Variants in TNFRSF19 observed in about 807,000 individuals in gnomAD.
The protein encoded by TNFRSF19 is TNF receptor superfamily member 19.
TNFRSF19 carries 27 observed loss-of-function variants against 46.4 expected under a neutral mutation model. The ratio of observed to expected loss-of-function variants is 0.58; its 90% CI spans 0.43 to 0.80. TNFRSF19 has a LOEUF of 0.80. Ranked by LOEUF, TNFRSF19 falls within the 30% of genes least tolerant of loss-of-function variation. The pLI, the probability that TNFRSF19 is intolerant of heterozygous loss-of-function variation, is 0.00. For synonymous variants in TNFRSF19, 204 were observed against 205.0 expected (o/e 1.00, Z 0.04); for missense variants, 511 against 530.8 (o/e 0.96, Z 0.37).
chr13:23,601,395 C>T (rs1016426940), intron 3 of TNFRSF19, among the ~76,000 whole-genome samples: 1 of 152,060 alleles, frequency 6.6e-6, no homozygotes, highest in Non-Finnish European at 1.5e-5. Context: ...AGAAATTTTC[C>T]TTCAAGAGTT....
chr13:23,579,243 TG>T (rs199844196), intron 1 of TNFRSF19: 1,559 of 149,762 alleles, frequency 0.01, 39 homozygotes, highest in East Asian at 0.097. Flanking sequence ...CAGTGTGCGC[TG>T]GGGGCGGGGC....
chr13:23,634,713 G>A (rs1566200557), intron 5 of TNFRSF19, among the ~76,000 whole-genome samples: 1 of 152,170 alleles, frequency 6.6e-6, no homozygotes, highest in Non-Finnish European at 1.5e-5. Context: ...TATACTCAAA[G>A]TTCAGGCTCT....
At chr13:23,656,176 G>A (rs1883974256) in intron 5 of TNFRSF19, among the ~76,000 whole-genome samples, 1 of 152,258 alleles carries the variant, frequency 6.6e-6, no homozygotes, top group African/African-American at 2.4e-5. Context: ...TCACTGCCTG[G>A]GGAAATGTGT....
At chr13:23,592,996 TA>T (rs397704342) in intron 2 of TNFRSF19, among the ~76,000 whole-genome samples, 1 of 149,586 alleles carries the variant, frequency 6.7e-6, no homozygotes, top group Admixed American at 6.7e-5. Context: ...GTTTTTTTTT[TA>T]AATATCTTCT....
At chr13:23,673,120 G>C (rs149358379) in intron 9 of TNFRSF19, among the ~76,000 whole-genome samples, 2 of 152,210 alleles carry the variant, frequency 1.3e-5, no homozygotes, top group African/African-American at 4.8e-5. Flanking sequence ...TATGGGTTAC[G>C]GTATCATCTT....
At chr13:23,628,074 C>T (rs1882122962) in intron 5 of TNFRSF19, among the ~76,000 whole-genome samples, 1 of 152,076 alleles carries the variant, frequency 6.6e-6, no homozygotes, top group Non-Finnish European at 1.5e-5. Flanking sequence ...TTTTGTTTTA[C>T]TTTTCTCAAT....
chr13:23,636,768 C>T (rs1339172867), intron 5 of TNFRSF19, among the ~76,000 whole-genome samples: 6 of 152,064 alleles, frequency 3.9e-5, no homozygotes, highest in Non-Finnish European at 8.8e-5. Flanking sequence ...TAACTTCCCT[C>T]GGACTCCTGT....
intron 3 of TNFRSF19, among the ~76,000 whole-genome samples, chr13:23,605,265 G>A (rs1207038599): frequency 2.0e-5 from 3 of 152,080 alleles, no homozygotes; most frequent in Non-Finnish European, 2.9e-5. Flanking sequence ...CGATATCACC[G>A]TACACCTATT....
At chr13:23,574,102 G>T (rs558090947) in intron 1 of TNFRSF19, among the ~76,000 whole-genome samples, 1 of 149,598 alleles carries the variant, frequency 6.7e-6, no homozygotes, top group South Asian at 2.1e-4. Context: ...TATATCTTGT[G>T]TGAAAAATTT....
intron 7 of TNFRSF19, among the ~76,000 whole-genome samples, chr13:23,660,713 A>C (rs184825662): frequency 1.2e-4 from 18 of 152,148 alleles, no homozygotes; most frequent in Middle Eastern, 3.4e-3. Flanking sequence ...AAATTCTAGA[A>C]TTTTTCAGCA....
intron 4 of TNFRSF19, among the ~76,000 whole-genome samples, chr13:23,617,343 G>A (rs1324194583): frequency 1.3e-5 from 2 of 152,114 alleles, no homozygotes. Context: ...AAAGGAGAGG[G>A]ACCACACCTG....
chr13:23,649,561 C>G (rs1013785523), intron 5 of TNFRSF19, among the ~76,000 whole-genome samples: 3 of 151,880 alleles, frequency 2.0e-5, no homozygotes, highest in African/African-American at 2.4e-5. Context: ...GATCTCTGCC[C>G]TAGTCCTTAC....
chr13:23,632,409 T>C (rs1201531774), intron 5 of TNFRSF19, among the ~76,000 whole-genome samples: 1 of 152,148 alleles, frequency 6.6e-6, no homozygotes, highest in African/African-American at 2.4e-5. Flanking sequence ...GACAATGAGA[T>C]CAAAGGAAAG....
chr13:23,669,295 C>T, intron 9 of TNFRSF19, 198 bp downstream of exon 9: 2 of 1,393,040 alleles, frequency 1.4e-6, no homozygotes, highest in East Asian at 2.6e-5. Flanking sequence ...TATATAAGAG[C>T]AAAGTGGACA....
intron 4 of TNFRSF19, among the ~76,000 whole-genome samples, chr13:23,626,201 G>GTGTGTA (rs967024074): frequency 1.3e-5 from 2 of 151,218 alleles, no homozygotes; most frequent in African/African-American, 2.4e-5. Context: ...GTGTGTGTGT[G>GTGTGTA]TGTGTGTGTG....
chr13:23,670,449 G>A (rs1951740721), intron 9 of TNFRSF19, among the ~76,000 whole-genome samples: 3 of 152,200 alleles, frequency 2.0e-5, no homozygotes, highest in Admixed American at 2.0e-4. Flanking sequence ...AGAGAAGGGA[G>A]ACGAGTGAAT....
chr13:23,586,139 T>G (rs1878812766), intron 1 of TNFRSF19, among the ~76,000 whole-genome samples: 1 of 149,628 alleles, frequency 6.7e-6, no homozygotes, highest in Admixed American at 6.7e-5. Context: ...GCACCTGTAG[T>G]CCCAGCTACT....
At chr13:23,603,562 C>T (rs1026651233) in intron 3 of TNFRSF19, among the ~76,000 whole-genome samples, 1 of 151,836 alleles carries the variant, frequency 6.6e-6, no homozygotes, top group Non-Finnish European at 1.5e-5. Context: ...TACAAAAATT[C>T]TCAACAAAAT....
At chr13:23,577,971 G>C (rs1040285017) in intron 1 of TNFRSF19, among the ~76,000 whole-genome samples, 11 of 152,260 alleles carry the variant, frequency 7.2e-5, no homozygotes, top group African/African-American at 2.4e-4. Flanking sequence ...TGAAGGAGGT[G>C]GTGGGCACCA....
Sources: gnomAD v4.1 joint callset for allele counts (sites outside exome capture counted in the v4.1 genomes callset) on GRCh38, gnomAD v4.1.1 for gene constraint, MANE v1.5 for transcripts, NCBI Gene and HGNC (gene_info 2026-07-23, HGNC 2026-07-21) for gene names.